The following NSMCE2 variants were observed in gnomAD, a reference collection of about 807,000 sequenced individuals.
NSMCE2 encodes NSE2 SUMO ligase component of SMC5/6 complex, also known as E3 SUMO-protein ligase NSE2.
NSMCE2 carries 24 observed loss-of-function variants against 23.8 expected under a neutral mutation model. The observed-to-expected ratio is 1.01, with a 90% confidence interval of 0.73 to 1.42. NSMCE2 has a LOEUF of 1.42. Among genes scored for constraint, NSMCE2 ranks in the 40% most tolerant of loss-of-function variants. The pLI is 0.00. For missense variants in NSMCE2, 284 were observed against 296.5 expected (o/e 0.96, Z 0.31); for synonymous variants, 92 against 94.1 (o/e 0.98, Z 0.13).
chr8:125,227,851 A>T (rs1396909296), intron 5 of NSMCE2, among the ~76,000 whole-genome samples: 2 of 152,166 alleles, frequency 1.3e-5, no homozygotes, highest in Admixed American at 6.5e-5. Flanking sequence ...TATTCGCAAA[A>T]CTGAGATCAG....
At chr8:125,348,302 T>C (rs746019398) in intron 5 of NSMCE2, 51 of 152,208 alleles carry the variant, frequency 3.4e-4, no homozygotes, top group Admixed American at 1.4e-3. Flanking sequence ...GATTACATTA[T>C]ATTAATTCAA....
chr8:125,190,364 A>G (rs922680232), intron 5 of NSMCE2, among the ~76,000 whole-genome samples: 1 of 152,156 alleles, frequency 6.6e-6, no homozygotes, highest in Non-Finnish European at 1.5e-5. Context: ...ATCAAGTGAC[A>G]TGCCCAAGAA....
intron 5 of NSMCE2, among the ~76,000 whole-genome samples, chr8:125,271,484 A>AT (rs1329993243): frequency 6.6e-6 from 1 of 152,214 alleles, no homozygotes; most frequent in Non-Finnish European, 1.5e-5. Context: ...ATACCTAGGT[A>AT]TTAAGGGTAC....
At chr8:125,095,958 T>C (rs1485841820) in intron 1 of NSMCE2, among the ~76,000 whole-genome samples, 1 of 152,122 alleles carries the variant, frequency 6.6e-6, no homozygotes, top group Non-Finnish European at 1.5e-5. Context: ...TTTGTGTTTT[T>C]TGATTAATAC....
At chr8:125,329,856 T>C (rs1829806514) in intron 5 of NSMCE2, among the ~76,000 whole-genome samples, 1 of 152,204 alleles carries the variant, frequency 6.6e-6, no homozygotes, top group African/African-American at 2.4e-5. Flanking sequence ...GTTCAAGGCC[T>C]GGTAGATAGT....
At chr8:125,300,721 G>T (rs1828526666) in intron 5 of NSMCE2, among the ~76,000 whole-genome samples, 1 of 152,190 alleles carries the variant, frequency 6.6e-6, no homozygotes, top group Admixed American at 6.5e-5. Flanking sequence ...GGTGGAGGAG[G>T]TACAAGGTGC....
At chr8:125,148,378 A>G (rs1323904103) in intron 3 of NSMCE2, among the ~76,000 whole-genome samples, 2 of 152,148 alleles carry the variant, frequency 1.3e-5, no homozygotes, top group Admixed American at 1.3e-4. Flanking sequence ...TTATCATCTC[A>G]TTTATTTCGT....
intron 3 of NSMCE2, among the ~76,000 whole-genome samples, chr8:125,117,206 T>C (rs1312433377): frequency 6.6e-6 from 1 of 152,072 alleles, no homozygotes; most frequent in Non-Finnish European, 1.5e-5. Flanking sequence ...ATCACCAATA[T>C]TCAGCTTCTT....
At chr8:125,344,016 C>CA (rs1032684866) in intron 5 of NSMCE2, among the ~76,000 whole-genome samples, 9 of 151,634 alleles carry the variant, frequency 5.9e-5, no homozygotes, top group African/African-American at 2.2e-4. Context: ...AAACAAACAA[C>CA]AAAAAAAATT....
At chr8:125,330,266 T>A (rs1262913803) in intron 5 of NSMCE2, among the ~76,000 whole-genome samples, 2 of 148,342 alleles carry the variant, frequency 1.3e-5, no homozygotes, top group African/African-American at 4.9e-5. Context: ...AGCCTCCATC[T>A]CCCGGTTCGA....
chr8:125,123,365 A>C (rs1187721186), intron 3 of NSMCE2, among the ~76,000 whole-genome samples: 1 of 152,240 alleles, frequency 6.6e-6, no homozygotes, highest in Non-Finnish European at 1.5e-5. Context: ...AATATTTACT[A>C]AGCACCTTCT....
intron 5 of NSMCE2, among the ~76,000 whole-genome samples, chr8:125,321,055 G>A (rs561012830): frequency 1.4e-3 from 218 of 152,212 alleles, no homozygotes; most frequent in African/African-American, 4.8e-3. Flanking sequence ...CCAGGGGGAC[G>A]GTGCTAAACT....
intron 5 of NSMCE2, among the ~76,000 whole-genome samples, chr8:125,203,484 C>T (rs760216943): frequency 6.6e-6 from 1 of 152,200 alleles, no homozygotes; most frequent in Admixed American, 6.5e-5. Flanking sequence ...CTACCCCTAC[C>T]TTGTAAATGT....
intron 3 of NSMCE2, among the ~76,000 whole-genome samples, chr8:125,132,618 C>T (rs1819830829): frequency 6.6e-6 from 1 of 152,048 alleles, no homozygotes; most frequent in African/African-American, 2.4e-5. Context: ...CTCAGCCTCC[C>T]AAGTAGCTGG....
At chr8:125,304,597 C>G (rs920687962) in intron 5 of NSMCE2, among the ~76,000 whole-genome samples, 2 of 152,126 alleles carry the variant, frequency 1.3e-5, no homozygotes, top group Non-Finnish European at 2.9e-5. Context: ...TGGCTCACAC[C>G]TGTAATCCTA....
intron 3 of NSMCE2, among the ~76,000 whole-genome samples, chr8:125,122,404 T>A (rs569535790): frequency 1.6e-3 from 250 of 152,292 alleles, no homozygotes; most frequent in Non-Finnish European, 2.7e-3. Flanking sequence ...CTACAACTAT[T>A]TTAAACCCTT....
intron 4 of NSMCE2, among the ~76,000 whole-genome samples, chr8:125,179,846 T>A (rs1345980922): frequency 1.3e-5 from 2 of 152,202 alleles, no homozygotes; most frequent in Non-Finnish European, 2.9e-5. Flanking sequence ...GGGAATTAAG[T>A]AGGTTGACTG....
At chr8:125,228,380 C>G (rs903112674) in intron 5 of NSMCE2, among the ~76,000 whole-genome samples, 3 of 152,112 alleles carry the variant, frequency 2.0e-5, no homozygotes, top group African/African-American at 7.2e-5. Context: ...TAGAAGCTTA[C>G]AATTCAGTGA....
chr8:125,137,488 A>T (rs891579512), intron 3 of NSMCE2, among the ~76,000 whole-genome samples: 1 of 152,212 alleles, frequency 6.6e-6, no homozygotes, highest in African/African-American at 2.4e-5. Context: ...CATGCAAGCT[A>T]AAGGTAATTA....
Sources: gnomAD v4.1 joint callset for allele counts (sites outside exome capture counted in the v4.1 genomes callset) on GRCh38, gnomAD v4.1.1 for gene constraint, MANE v1.5 for transcripts, NCBI Gene and HGNC (gene_info 2026-07-23, HGNC 2026-07-21) for gene names.